The following UBXN7 variants were observed in gnomAD, a reference collection of about 807,000 sequenced individuals.
UBXN7 encodes the protein UBX domain-containing protein 7.
A neutral mutation model predicts 58.0 loss-of-function variants in UBXN7; 9 were observed. The observed-to-expected ratio is 0.16, with a 90% CI of 0.09 to 0.27. UBXN7 has a LOEUF of 0.27. Among genes scored for constraint, UBXN7 ranks in the 10% least tolerant of loss-of-function variants. The pLI, the probability that UBXN7 is intolerant of heterozygous loss-of-function variation, is 1.00. For missense variants in UBXN7, 328 were observed against 599.6 expected, an observed-to-expected ratio of 0.55 and a Z score of 4.73; for synonymous variants, 208 against 205.0, an observed-to-expected ratio of 1.01 and a Z score of -0.12.
chr3:196,372,850 AT>A (rs1728883355), intron 5 of UBXN7, among the ~76,000 whole-genome samples: 2 of 151,740 alleles, frequency 1.3e-5, no homozygotes, highest in Non-Finnish European at 2.9e-5. Flanking sequence ...GGTTCAAGTG[AT>A]TCTTCTGCCT....
chr3:196,368,972 G>A (rs937677758), intron 7 of UBXN7, among the ~76,000 whole-genome samples: 7 of 152,078 alleles, frequency 4.6e-5, no homozygotes, highest in South Asian at 2.1e-4. Flanking sequence ...ACAGGTGCCC[G>A]CCACCATGCC....
intron 2 of UBXN7, among the ~76,000 whole-genome samples, chr3:196,404,436 G>C (rs1386180339): frequency 6.6e-6 from 1 of 151,624 alleles, no homozygotes; most frequent in African/African-American, 2.4e-5. Flanking sequence ...CTAATTTTTT[G>C]TATTTTTAGT....
rs1728368292 is a variant in UBXN7, at chr3:196,356,991, C to T, written c.1309-145G>A. On this transcript the variant is annotated intron_variant, in intron 10 of 10. Transcript: ENST00000296328. ...CTTCTTTCATATAACCAAAGCTTGC[C>T]CTTGGGGAAGGGCCAATATAAACCT... 3.5e-6 allele frequency: 4 copies of T among 1,135,904 alleles called. No individual in the cohort carries two copies. In the South Asian group the frequency reaches 6.8e-5, roughly 19 times the overall value. 70.4% of individuals were successfully genotyped at this position (1,135,904 alleles called of 1,614,324 possible).
chr3:196,397,559 C>T (rs1577460106), intron 3 of UBXN7: 1 of 152,468 alleles, frequency 6.6e-6, no homozygotes, highest in East Asian at 1.9e-4. Context: ...TGGCTATTCA[C>T]AGGCACAATC....
intron 8 of UBXN7, among the ~76,000 whole-genome samples, chr3:196,364,346 A>G (rs554503079): frequency 3.2e-4 from 49 of 152,222 alleles, no homozygotes; most frequent in Non-Finnish European, 5.9e-4. Context: ...TTAAGGGTAT[A>G]ATAATGACAT....
intron 5 of UBXN7, among the ~76,000 whole-genome samples, chr3:196,391,375 A>T (rs1193387943): frequency 6.6e-6 from 1 of 152,176 alleles, no homozygotes; most frequent in Admixed American, 6.5e-5. Flanking sequence ...ATGTAGATAT[A>T]CTTATTATAA....
intron 1 of UBXN7, among the ~76,000 whole-genome samples, chr3:196,422,091 T>C (rs1730707043): frequency 6.6e-6 from 1 of 151,962 alleles, no homozygotes; most frequent in Non-Finnish European, 1.5e-5. Flanking sequence ...TCCCAGCTAC[T>C]TGGGAGGGTG....
chr3:196,362,712 A>G (rs1236536983), intron 8 of UBXN7, 25 bp from the exon 9 acceptor site: 2 of 1,567,656 alleles, frequency 1.3e-6, no homozygotes, highest in South Asian at 1.2e-5. Context: ...CATAAAACAC[A>G]GGAAAAAGAA....
At chr3:196,413,653 A>G (rs1251137551) in intron 1 of UBXN7, among the ~76,000 whole-genome samples, 2 of 152,116 alleles carry the variant, frequency 1.3e-5, no homozygotes, top group African/African-American at 2.4e-5. Context: ...AACCTTTTCT[A>G]TGTCCACTGC....
rs1446092266 is a variant in UBXN7, at chr3:196,362,541, C to T, written c.981G>A (p.Glu327=). 6.2e-7 allele frequency: 1 copy of T among 1,614,072 alleles called. No homozygotes were observed. The highest frequency in any genetic ancestry group is 8.5e-7 in the Non-Finnish European group (1 of 1,180,046). Reference sequence around the variant, plus strand: ...CAGAGCCACAAACGGATATGAACTCCTCACTGCCAGAAAAAAGTTCAGATT... The same window carrying T: ...CAGAGCCACAAACGGATATGAACTCTTCACTGCCAGAAAAAAGTTCAGATT... ...ESESELFSGS[E]EFISVCGSDE... The change falls in exon 9 of 11, where the codon GAG becomes GAA. Residue 327 remains glutamate, a synonymous_variant. Coordinates refer to ENST00000296328, the MANE Select transcript of UBXN7 (RefSeq NM_015562.2).
intron 5 of UBXN7, among the ~76,000 whole-genome samples, chr3:196,384,357 A>T (rs577842550): frequency 2.0e-5 from 3 of 152,352 alleles, no homozygotes; most frequent in African/African-American, 7.2e-5. Context: ...TCACAGCCAA[A>T]TTCTACCAGA....
Position 196,356,762 on chromosome 3 carries a change from G to A in UBXN7, c.1393C>T (p.His465Tyr). 6.2e-7 allele frequency: 1 copy of A among 1,613,992 alleles called. No homozygotes were observed. The highest frequency in any genetic ancestry group is 8.5e-7 in the Non-Finnish European group (1 of 1,179,996). The change falls in exon 11 of 11, where the codon CAT becomes TAT. Residue 465 changes from histidine to tyrosine, a missense_variant. Around this residue, in one of 4 missense-constraint regions of UBXN7, gnomAD observed 30 missense variants for 94.8 expected, o/e 0.32. Transcript: ENST00000296328. ...LTNFPRRKLS[H>Y]LDYDITLQEA... ...TGCAATGTAATATCATAGTCCAGAT[G>A]AGATAATTTCCTTCGAGGAAAGTTG...
intron 1 of UBXN7, chr3:196,416,026 C>A (rs1260954954): frequency 6.6e-6 from 1 of 152,150 alleles, no homozygotes; most frequent in Non-Finnish European, 1.5e-5. Flanking sequence ...GTGCTCACAC[C>A]GCATTACAGC....
chr3:196,360,237 G>A (rs538710020), intron 10 of UBXN7, among the ~76,000 whole-genome samples: 23 of 152,208 alleles, frequency 1.5e-4, no homozygotes, highest in Non-Finnish European at 2.8e-4. Flanking sequence ...GACAGTTCAC[G>A]AAGGTAACAA....
intron 1 of UBXN7, among the ~76,000 whole-genome samples, chr3:196,428,000 T>A (rs761007916): frequency 1.6e-4 from 25 of 152,192 alleles, no homozygotes; most frequent in Non-Finnish European, 3.2e-4. Context: ...GGCTTGAGCC[T>A]GTAATCCCAG....
intron 2 of UBXN7, among the ~76,000 whole-genome samples, chr3:196,405,580 A>G (rs79307160): frequency 0.011 from 1,592 of 151,480 alleles, 11 homozygotes; most frequent in Non-Finnish European, 0.015. Flanking sequence ...GTGTGTGTGT[A>G]TATATATATA....
At chr3:196,393,511 G>C (rs1223341008) in intron 4 of UBXN7, 43 bp downstream of exon 4, 1 of 1,551,702 alleles carries the variant, frequency 6.4e-7, no homozygotes, top group Admixed American at 2.0e-5. Flanking sequence ...CTTTTTAATA[G>C]GAAGAGAAGA....
intron 1 of UBXN7, among the ~76,000 whole-genome samples, chr3:196,417,169 C>T (rs867853073): frequency 8.5e-5 from 13 of 152,136 alleles, no homozygotes; most frequent in Middle Eastern, 3.4e-3. Context: ...AAAAATTAGC[C>T]GGGCGTGGTG....
intron 1 of UBXN7, among the ~76,000 whole-genome samples, chr3:196,412,407 G>C (rs1473145010): frequency 1.3e-5 from 2 of 151,670 alleles, no homozygotes; most frequent in Admixed American, 6.6e-5. Context: ...CCATTAAAAA[G>C]GCTACTATTA....
Sources: gnomAD v4.1 joint callset for allele counts (sites outside exome capture counted in the v4.1 genomes callset) on GRCh38, gnomAD v4.1.1 for gene constraint, gnomAD v4.1.1 regional missense constraint, MANE v1.5 for transcripts, NCBI Gene and HGNC (gene_info 2026-07-23, HGNC 2026-07-21) for gene names.